UMAD1: variants seen among roughly 807,000 people sequenced by gnomAD.
UMAD1 encodes UBAP1-MVB12-associated (UMA)-domain containing protein 1.
A neutral mutation model predicts 6.1 loss-of-function variants in UMAD1; 8 were observed. That is an observed-to-expected ratio of 1.30 (90% CI 0.76 to 2.35). The LOEUF (loss-of-function observed/expected upper bound fraction) is 2.35, where lower values mean the gene tolerates loss of function less well. Ranked by LOEUF, UMAD1 falls within the 30% of genes most tolerant of loss-of-function variation. The pLI, the probability that UMAD1 is intolerant of heterozygous loss-of-function variation, is 0.00. For synonymous variants in UMAD1, 56 were observed against 31.4 expected (o/e 1.78, Z -2.61); for missense variants, 130 against 78.4 (o/e 1.66, Z -2.49).
intron 2 of UMAD1, among the ~76,000 whole-genome samples, chr7:7,727,730 C>A (rs7784798): frequency 1.7e-3 from 263 of 152,310 alleles, no homozygotes; most frequent in African/African-American, 6.0e-3. Context: ...TCCCAGCCTA[C>A]ATCTTTCTCC....
intron 2 of UMAD1, among the ~76,000 whole-genome samples, chr7:7,775,259 T>G (rs1782180367): frequency 6.6e-6 from 1 of 152,216 alleles, no homozygotes; most frequent in Admixed American, 6.5e-5. Context: ...CTACTTGATA[T>G]GGTTTGGCTG....
chr7:7,843,085 A>G (rs989361761), intron 3 of UMAD1, among the ~76,000 whole-genome samples: 2 of 152,234 alleles, frequency 1.3e-5, no homozygotes, highest in Non-Finnish European at 1.5e-5. Flanking sequence ...ATACAAATTT[A>G]AGAATCTAGT....
intron 3 of UMAD1, among the ~76,000 whole-genome samples, chr7:7,837,596 A>G (rs1181411335): frequency 3.9e-5 from 6 of 152,126 alleles, no homozygotes; most frequent in Admixed American, 2.6e-4. Flanking sequence ...AAGAAATAGT[A>G]TAACTCTAAA....
At chr7:7,758,974 AC>A (rs1781832516) in intron 2 of UMAD1, among the ~76,000 whole-genome samples, 1 of 152,028 alleles carries the variant, frequency 6.6e-6, no homozygotes, top group East Asian at 1.9e-4. Flanking sequence ...TTCTTTGGGG[AC>A]TAGTCAAATT....
At chr7:7,833,365 T>G (rs1783500883) in intron 3 of UMAD1, among the ~76,000 whole-genome samples, 1 of 152,086 alleles carries the variant, frequency 6.6e-6, no homozygotes, top group South Asian at 2.1e-4. Context: ...TACTGTGGTG[T>G]TAGTATTTCT....
chr7:7,647,982 C>T (rs6967250), intron 1 of UMAD1, among the ~76,000 whole-genome samples: 101,073 of 151,892 alleles, frequency 0.67, 34,109 homozygotes, highest in East Asian at 0.88. Context: ...ATTTATTTGT[C>T]TTATCGTTTT....
intron 2 of UMAD1, among the ~76,000 whole-genome samples, chr7:7,785,937 C>T (rs1434037395): frequency 1.1e-4 from 16 of 152,186 alleles, no homozygotes; most frequent in Non-Finnish European, 1.8e-4. Context: ...ATATCATATT[C>T]ATGTATTCTA....
chr7:7,775,900 G>A (rs1276269995), intron 2 of UMAD1, among the ~76,000 whole-genome samples: 1 of 152,060 alleles, frequency 6.6e-6, no homozygotes, highest in African/African-American at 2.4e-5. Context: ...TGGTTGCCTG[G>A]GAATGAGTGT....
chr7:7,666,082 T>C (rs1779445792), intron 1 of UMAD1, among the ~76,000 whole-genome samples: 1 of 152,214 alleles, frequency 6.6e-6, no homozygotes, highest in African/African-American at 2.4e-5. Context: ...ACTGCCAAAC[T>C]GTTGTCCACA....
intron 2 of UMAD1, among the ~76,000 whole-genome samples, chr7:7,707,360 G>A (rs1443747044): frequency 6.6e-6 from 1 of 151,978 alleles, no homozygotes; most frequent in Non-Finnish European, 1.5e-5. Context: ...GGTACTTTTT[G>A]CTTGCCTTGA....
intron 2 of UMAD1, among the ~76,000 whole-genome samples, chr7:7,772,918 G>A (rs1171530554): frequency 6.7e-6 from 1 of 149,512 alleles, no homozygotes; most frequent in Non-Finnish European, 1.5e-5. Context: ...TTTTAAAGAG[G>A]GGTTTCCCCT....
intron 3 of UMAD1, among the ~76,000 whole-genome samples, chr7:7,858,636 C>A (rs978951031): frequency 1.3e-5 from 2 of 152,220 alleles, no homozygotes; most frequent in African/African-American, 4.8e-5. Flanking sequence ...TTCTTCCTCT[C>A]AGTCATTCCA....
At chr7:7,757,975 G>C (rs1439043855) in intron 2 of UMAD1, among the ~76,000 whole-genome samples, 3 of 152,134 alleles carry the variant, frequency 2.0e-5, no homozygotes, top group Non-Finnish European at 4.4e-5. Context: ...TCATAAAACA[G>C]AAATGCAAAA....
At chr7:7,757,350 T>C (rs139412206) in intron 2 of UMAD1, among the ~76,000 whole-genome samples, 104 of 152,350 alleles carry the variant, frequency 6.8e-4, no homozygotes, top group African/African-American at 2.4e-3. Flanking sequence ...ATCCTCTCTC[T>C]CAAAAGAAAC....
chr7:7,777,104 T>C (rs1221562185), intron 2 of UMAD1, among the ~76,000 whole-genome samples: 4 of 152,220 alleles, frequency 2.6e-5, no homozygotes, highest in African/African-American at 7.2e-5. Context: ...TATGCAGCTT[T>C]TTAATTTTTT....
At chr7:7,877,016 T>G (rs1278099565) in intron 3 of UMAD1, among the ~76,000 whole-genome samples, 2 of 152,216 alleles carry the variant, frequency 1.3e-5, no homozygotes, top group South Asian at 4.1e-4. Context: ...AGACATTATC[T>G]GAGCAAGGGA....
intron 3 of UMAD1, among the ~76,000 whole-genome samples, chr7:7,855,409 A>G (rs1222595510): frequency 1.3e-5 from 2 of 152,262 alleles, no homozygotes; most frequent in African/African-American, 4.8e-5. Flanking sequence ...AAAGGTTCCC[A>G]GACATTAATT....
In UMAD1 at chr7:7,748,684, A is replaced by C. The variant is rs571891652; in HGVS notation, c.83-52986A>C. 2.0e-4 allele frequency among the ~76,000 whole-genome samples: 30 copies of C among 152,180 alleles called. No homozygotes were observed. In the East Asian group the frequency reaches 5.8e-3, roughly 29 times the overall value. On this transcript the variant is annotated intron_variant, in intron 2 of 3. Transcript: ENST00000682710. ...CCATCTATTACCTTCATTCCTGTTA[A>C]AATACAACCTATCATGTTGTTCTTT... is the stretch of plus-strand genomic sequence containing the variant.
intron 3 of UMAD1, among the ~76,000 whole-genome samples, chr7:7,874,328 C>A (rs1784379535): frequency 6.6e-6 from 1 of 152,240 alleles, no homozygotes; most frequent in South Asian, 2.1e-4. Flanking sequence ...CACCCCACCT[C>A]TACTATCTGC....
Sources: gnomAD v4.1 joint callset for allele counts (sites outside exome capture counted in the v4.1 genomes callset) on GRCh38, gnomAD v4.1.1 for gene constraint, MANE v1.5 for transcripts, NCBI Gene and HGNC (gene_info 2026-07-23, HGNC 2026-07-21) for gene names.